Variants in VWA5B1 observed in about 807,000 individuals in gnomAD.
VWA5B1 encodes von Willebrand factor A domain containing 5B1.
VWA5B1 carries 115 observed loss-of-function variants against 118.2 expected under a neutral mutation model. The observed-to-expected ratio is 0.97, with a 90% CI of 0.84 to 1.14. VWA5B1 has a LOEUF of 1.14. Ranked by LOEUF, VWA5B1 falls within the 50% of genes most tolerant of loss-of-function variation. The probability of loss-of-function intolerance (pLI) is 0.00; values close to 1 mark genes in which losing one functional copy is unlikely to be tolerated. For missense variants in VWA5B1, 1,596 were observed against 1,603.8 expected (o/e 1.00, Z 0.08); for synonymous variants, 682 against 658.4 (o/e 1.04, Z -0.55).
chr1:20,320,179 C>A (rs149624111), intron 7 of VWA5B1, among the ~76,000 whole-genome samples: 6 of 152,322 alleles, frequency 3.9e-5, no homozygotes, highest in African/African-American at 1.4e-4. Flanking sequence ...CATTAGCCCC[C>A]TTTTTAGATG....
intron 4 of VWA5B1, among the ~76,000 whole-genome samples, chr1:20,317,296 T>A (rs1020337709): frequency 6.6e-6 from 1 of 151,886 alleles, no homozygotes; most frequent in African/African-American, 2.4e-5. Context: ...GAGCTACCCA[T>A]CGGGAGCACC....
intron 1 of VWA5B1, among the ~76,000 whole-genome samples, chr1:20,300,860 C>T (rs1334610539): frequency 6.6e-6 from 1 of 152,262 alleles, no homozygotes; most frequent in Non-Finnish European, 1.5e-5. Context: ...GCCCCACCAG[C>T]TGTGCTCCGT....
rs189206934 is a variant in VWA5B1, at chr1:20,345,482, G to A, written c.2653G>A (p.Ala885Thr). 4.5e-6 allele frequency: 7 copies of A among 1,551,034 alleles called. No homozygotes were observed. Among genetic ancestry groups the A allele is most frequent in the South Asian group, 1.2e-5 (1 of 84,060 alleles). The change falls in exon 17 of 22, where the codon GCC becomes ACC. Residue 885 changes from alanine (A) to threonine (T), a missense_variant. Physicochemically the swap from Ala to Thr is moderately conservative, Grantham distance 58. Coordinates refer to ENST00000289815, the MANE Select transcript of VWA5B1 (RefSeq NM_001039500.3). The stretch of plus-strand genomic sequence containing the variant: ...GTCCAACCGCCGCTACCAAGTGAGC[G>A]CCTTGCACACCAGCAAGGCCTGCAA... Reference protein sequence around the residue: ...QGSNRRYQVSALHTSKACNII... With the variant: ...QGSNRRYQVSTLHTSKACNII...
intron 7 of VWA5B1, among the ~76,000 whole-genome samples, chr1:20,321,713 T>C (rs1274905788): frequency 6.6e-6 from 1 of 151,282 alleles, no homozygotes; most frequent in Non-Finnish European, 1.5e-5. Flanking sequence ...GGATGAGACC[T>C]GGCAGAAGAC....
rs183778631 is a variant in VWA5B1, at chr1:20,358,931, C to T, written c.*4668C>T. On this transcript the variant is annotated 3_prime_UTR_variant, in exon 22 of 22. Transcript: ENST00000289815. Reference sequence around the variant, plus strand: ...GGGGCTTGGCAGCAGCTCCTGGCCACGCCTACAGCTCCCAACCGTGGACCT... The same window carrying T: ...GGGGCTTGGCAGCAGCTCCTGGCCATGCCTACAGCTCCCAACCGTGGACCT... 1.3e-5 allele frequency among the ~76,000 whole-genome samples: 2 copies of T among 152,312 alleles called. No individual in the cohort carries two copies. The highest frequency in any genetic ancestry group is 4.8e-5 in the African/African-American group (2 of 41,564).
At chr1:20,316,243 T>C (rs2089003335) in intron 4 of VWA5B1, among the ~76,000 whole-genome samples, 1 of 152,210 alleles carries the variant, frequency 6.6e-6, no homozygotes, top group Non-Finnish European at 1.5e-5. Context: ...GTGTGGCCTT[T>C]CACCCAGGGA....
At chr1:20,349,115 C>A in intron 18 of VWA5B1, 1 of 382,144 alleles carries the variant, frequency 2.6e-6, no homozygotes, top group Non-Finnish European at 5.4e-6. Flanking sequence ...AAAGTGCTCA[C>A]AGACATTGAT....
chr1:20,308,868 G>T (rs928197609), intron 1 of VWA5B1, among the ~76,000 whole-genome samples: 2 of 152,164 alleles, frequency 1.3e-5, no homozygotes, highest in Admixed American at 6.5e-5. Context: ...GAAAGAGCAG[G>T]GTAGTCAGCA....
chr1:20,336,185 G>A, intron 12 of VWA5B1, 118 bp from the exon 13 acceptor site: 1 of 860,048 alleles, frequency 1.2e-6, no homozygotes, highest in Non-Finnish European at 1.6e-6. Context: ...CTTTCCTGTT[G>A]AGCTGTTTCT....
rs1202005530 is a variant in VWA5B1, at chr1:20,355,459, G to T, written c.*1196G>T. Reference sequence around the variant, plus strand: ...TCCCCACTGACTCCCCTGGAGGTGGGTCTAGACCTCACCAAGGAACCCCAC... The same window carrying T: ...TCCCCACTGACTCCCCTGGAGGTGGTTCTAGACCTCACCAAGGAACCCCAC... On this transcript the variant is annotated 3_prime_UTR_variant, in exon 22 of 22. Transcript: ENST00000289815. 6.6e-6 allele frequency among the ~76,000 whole-genome samples: 1 copy of T among 152,216 alleles called. No homozygotes were observed. The highest frequency in any genetic ancestry group is 1.9e-4 in the East Asian group (1 of 5,196).
At chr1:20,308,434 G>T (rs149542255) in intron 1 of VWA5B1, among the ~76,000 whole-genome samples, 1 of 152,148 alleles carries the variant, frequency 6.6e-6, no homozygotes, top group African/African-American at 2.4e-5. Flanking sequence ...CTAAGGCTGC[G>T]TTCCCCAATC....
At position 20,336,432 on chromosome 1, in the gene VWA5B1, C is replaced by G. The variant is rs1210950618; in HGVS notation, c.1888C>G (p.Leu630Val). ...CAKNSGAPFI[L>V]GQAKNARLAS... is the part of the protein sequence containing the mutation. ...CAAGAACTCGGGGGCACCCTTCATC[C>G]TAGGGCAGGCCAAAAATGCCCGGCT... The change falls in exon 13 of 22, where the codon CTA becomes GTA. Residue 630 changes from leucine (L) to valine (V), a missense_variant. Coordinates refer to ENST00000289815, the MANE Select transcript of VWA5B1 (RefSeq NM_001039500.3). 3 of 1,506,040 alleles carry G rather than the reference C, an allele frequency of 2.0e-6. No individual in the cohort carries two copies. In the East Asian group the frequency reaches 7.7e-5, roughly 39 times the overall value. 93.3% of individuals were successfully genotyped at this position (1,506,040 alleles called of 1,614,324 possible).
chr1:20,333,875 A>C (rs952438397), intron 12 of VWA5B1, among the ~76,000 whole-genome samples: 1 of 152,262 alleles, frequency 6.6e-6, no homozygotes, highest in African/African-American at 2.4e-5. Flanking sequence ...TTTTTCAAAA[A>C]AGAAGTCACA....
intron 4 of VWA5B1, among the ~76,000 whole-genome samples, chr1:20,315,839 C>A (rs1375970384): frequency 6.6e-6 from 1 of 152,200 alleles, no homozygotes; most frequent in African/African-American, 2.4e-5. Context: ...TGGCATAAGC[C>A]AGTCTCAGAC....
At chr1:20,322,207 G>A (rs2089240676) in intron 7 of VWA5B1, among the ~76,000 whole-genome samples, 1 of 152,224 alleles carries the variant, frequency 6.6e-6, no homozygotes, top group Admixed American at 6.5e-5. Context: ...ACAACTGTTA[G>A]GCGTTTGGTT....
intron 14 of VWA5B1, among the ~76,000 whole-genome samples, chr1:20,341,541 A>C (rs1253048745): frequency 6.6e-6 from 1 of 152,214 alleles, no homozygotes; most frequent in African/African-American, 2.4e-5. Flanking sequence ...TACATTGTTC[A>C]AATTTTTCGT....
chr1:20,301,777 A>T (rs745552178), intron 1 of VWA5B1, among the ~76,000 whole-genome samples: 2 of 152,208 alleles, frequency 1.3e-5, no homozygotes, highest in Non-Finnish European at 2.9e-5. Context: ...GGTGAGCTCA[A>T]CTTGCAAACA....
intron 1 of VWA5B1, among the ~76,000 whole-genome samples, chr1:20,302,131 AGACT>A (rs1159716331): frequency 1.3e-5 from 2 of 152,236 alleles, no homozygotes; most frequent in South Asian, 2.1e-4. Context: ...CCTCCTGTCC[AGACT>A]GACTGTCCAG....
chr1:20,292,415 C>T (rs1190687552), intron 1 of VWA5B1, among the ~76,000 whole-genome samples: 1 of 152,064 alleles, frequency 6.6e-6, no homozygotes, highest in Non-Finnish European at 1.5e-5. Flanking sequence ...AGCACATGTG[C>T]ATGTGTGTGC....
Sources: gnomAD v4.1 joint callset for allele counts (sites outside exome capture counted in the v4.1 genomes callset) on GRCh38, gnomAD v4.1.1 for gene constraint, MANE v1.5 for transcripts, NCBI Gene and HGNC (gene_info 2026-07-23, HGNC 2026-07-21) for gene names.